The following UBE3C variants were observed in gnomAD, a reference collection of about 807,000 sequenced individuals.
UBE3C encodes the protein ubiquitin-protein ligase E3C.
In UBE3C, 42 loss-of-function variants were observed where a neutral mutation model predicts 129.4. The observed-to-expected ratio is 0.32, with a 90% CI of 0.25 to 0.42. UBE3C has a LOEUF of 0.42. UBE3C is among the 10% of genes least tolerant of loss of function. The pLI is 1.00. For missense variants in UBE3C, 1,049 were observed against 1,319.1 expected, an observed-to-expected ratio of 0.80 and a Z score of 3.17; for synonymous variants, 510 against 492.4, an observed-to-expected ratio of 1.04 and a Z score of -0.47.
intron 11 of UBE3C, among the ~76,000 whole-genome samples, chr7:157,202,227 C>T (rs544027329): frequency 6.6e-6 from 1 of 152,220 alleles, no homozygotes; most frequent in Non-Finnish European, 1.5e-5. Context: ...TTATTTGAAT[C>T]GTGTAATTTA....
At chr7:157,237,365 C>T (rs6956786) in intron 18 of UBE3C, among the ~76,000 whole-genome samples, 20,599 of 151,682 alleles carry the variant, frequency 0.14, 3,945 homozygotes, top group African/African-American at 0.44. Flanking sequence ...GGCGTGAACC[C>T]GGGAGGCGGA....
intron 10 of UBE3C, among the ~76,000 whole-genome samples, chr7:157,196,759 G>A (rs1312899483): frequency 1.3e-5 from 2 of 150,486 alleles, no homozygotes; most frequent in South Asian, 4.2e-4. Flanking sequence ...ACCTGAGGTC[G>A]GGAGTTTGAG....
chr7:157,209,550 G>A (rs982276748), intron 13 of UBE3C, among the ~76,000 whole-genome samples: 1 of 152,112 alleles, frequency 6.6e-6, no homozygotes. Flanking sequence ...GCTTTTCCTG[G>A]ATGTGGGTGT....
At chr7:157,239,592 G>GT (rs1406256822) in intron 18 of UBE3C, among the ~76,000 whole-genome samples, 1 of 152,212 alleles carries the variant, frequency 6.6e-6, no homozygotes, top group Non-Finnish European at 1.5e-5. Context: ...CTTCAGAGCA[G>GT]TTACAAGAGG....
intron 13 of UBE3C, among the ~76,000 whole-genome samples, chr7:157,214,405 GCCTGACCTGGAGCAAGTTAC>G (rs1809679313): frequency 6.6e-6 from 1 of 152,112 alleles, no homozygotes; most frequent in South Asian, 2.1e-4. Flanking sequence ...TCTTTCCGTT[GCCTGACCTGGAGCAAGTTAC>G]CCCCTCAATA....
intron 11 of UBE3C, among the ~76,000 whole-genome samples, chr7:157,203,066 C>CAT (rs1809335247): frequency 6.6e-6 from 1 of 152,186 alleles, no homozygotes; most frequent in Non-Finnish European, 1.5e-5. Flanking sequence ...AAAAGATATT[C>CAT]ATATGTTGTT....
At chr7:157,218,816 A>T (rs1483462260) in intron 14 of UBE3C, among the ~76,000 whole-genome samples, 1 of 152,218 alleles carries the variant, frequency 6.6e-6, no homozygotes, top group Non-Finnish European at 1.5e-5. Flanking sequence ...CTAGCTGGTC[A>T]TGGGCAGAAA....
intron 1 of UBE3C, among the ~76,000 whole-genome samples, chr7:157,155,866 G>A (rs1326024667): frequency 2.6e-5 from 4 of 152,198 alleles, no homozygotes; most frequent in Non-Finnish European, 4.4e-5. Context: ...AGCAGGGAGC[G>A]TGCACGCTGT....
intron 17 of UBE3C, among the ~76,000 whole-genome samples, chr7:157,226,728 T>TG: frequency 6.6e-6 from 1 of 152,078 alleles, no homozygotes; most frequent in Admixed American, 6.6e-5. Context: ...GCTTTTTTTT[T>TG]TTTTTTACAC....
chr7:157,182,446 T>C (rs1808691770), intron 8 of UBE3C, 118 bp downstream of exon 8: 1 of 979,774 alleles, frequency 1.0e-6, no homozygotes, highest in Non-Finnish European at 1.5e-6. Flanking sequence ...CCTGGAGGAG[T>C]GTATTTGCTG....
chr7:157,196,186 G>GT (rs1809116310), intron 10 of UBE3C, among the ~76,000 whole-genome samples: 1 of 152,182 alleles, frequency 6.6e-6, no homozygotes, highest in Non-Finnish European at 1.5e-5. Context: ...TCTCTAGAAG[G>GT]TGGAATGACA....
At chr7:157,223,453 T>TGATTA in intron 16 of UBE3C, 102 bp downstream of exon 16, 1 of 972,954 alleles carries the variant, frequency 1.0e-6, no homozygotes, top group Non-Finnish European at 1.5e-6. Flanking sequence ...AGTGCCTGGC[T>TGATTA]GATTACATAA....
intron 5 of UBE3C, 106 bp downstream of exon 5, chr7:157,175,140 T>C: frequency 1.9e-6 from 1 of 516,392 alleles, no homozygotes; most frequent in South Asian, 6.1e-5. Context: ...TTCCATACTT[T>C]TTTTTTTTTT....
intron 13 of UBE3C, among the ~76,000 whole-genome samples, chr7:157,213,744 G>C (rs1331609001): frequency 1.3e-5 from 2 of 152,168 alleles, no homozygotes; most frequent in Non-Finnish European, 2.9e-5. Flanking sequence ...TGAATTTTAA[G>C]GTTTGGTATT....
Position 157,254,216 on chromosome 7 carries a change from A to G in UBE3C, c.2884-28A>G, listed in dbSNP as rs558557817. 1.1e-5 allele frequency: 17 copies of G among 1,610,304 alleles called. No individual in the cohort carries two copies. In the African/African-American group the frequency reaches 2.1e-4, roughly 20 times the overall value. On this transcript the variant is annotated intron_variant, in intron 20 of 22. Coordinates refer to ENST00000348165, the MANE Select transcript of UBE3C (RefSeq NM_014671.3). ...CAGGCTTTCTTAAAATTTACCTCAAATGTTATTATTTGAACTTTTTTCCTT... is the reference window on the plus strand; with the variant it reads ...CAGGCTTTCTTAAAATTTACCTCAAGTGTTATTATTTGAACTTTTTTCCTT...
chr7:157,251,040 T>TA (rs1367811823), intron 19 of UBE3C, among the ~76,000 whole-genome samples: 3 of 152,142 alleles, frequency 2.0e-5, no homozygotes, highest in Admixed American at 6.5e-5. Flanking sequence ...CCCACTGAGT[T>TA]AAAAAATTAT....
chr7:157,166,141 G>A (rs1011087655), intron 2 of UBE3C, among the ~76,000 whole-genome samples: 2 of 152,090 alleles, frequency 1.3e-5, no homozygotes, highest in Non-Finnish European at 2.9e-5. Flanking sequence ...ATATTTTATT[G>A]CTTTATGTTA....
chr7:157,154,048 G>A (rs1284717311), intron 1 of UBE3C, among the ~76,000 whole-genome samples: 1 of 143,812 alleles, frequency 7.0e-6, no homozygotes, highest in Non-Finnish European at 1.5e-5. Context: ...GGCCGGGCAC[G>A]GTGGCTCACA....
chr7:157,153,703 T>C (rs1020579210), intron 1 of UBE3C, among the ~76,000 whole-genome samples: 3 of 152,128 alleles, frequency 2.0e-5, no homozygotes, highest in Admixed American at 2.0e-4. Flanking sequence ...CAGTGGCCTT[T>C]TTAAAAAGTT....
Sources: allele counts gnomAD v4.1 joint callset (sites outside exome capture counted in the v4.1 genomes callset), GRCh38; gene constraint gnomAD v4.1.1; transcripts MANE v1.5; gene names NCBI Gene and HGNC (gene_info 2026-07-23, HGNC 2026-07-21).